Variants in ZNF90 observed in about 807,000 individuals in gnomAD.
The protein encoded by ZNF90 is zinc finger protein HTF9.
A neutral mutation model predicts 12.0 loss-of-function variants in ZNF90; 11 were observed. The ratio of observed to expected loss-of-function variants is 0.92; its 90% CI spans 0.58 to 1.52. The LOEUF (loss-of-function observed/expected upper bound fraction) is 1.52. Among genes scored for constraint, ZNF90 ranks in the 40% most tolerant of loss-of-function variants. ZNF90 has a pLI of 0.00. For synonymous variants in ZNF90, 232 were observed against 240.1 expected, an observed-to-expected ratio of 0.97 and a Z score of 0.31; for missense variants, 765 against 711.5, an observed-to-expected ratio of 1.08 and a Z score of -0.86.
intron 3 of ZNF90, among the ~76,000 whole-genome samples, chr19:20,113,507 A>C (rs1479739746): frequency 1.3e-5 from 2 of 151,144 alleles, no homozygotes; most frequent in African/African-American, 4.8e-5. Context: ...CAGTGTTTTT[A>C]ATCCTGTCTA....
intron 1 of ZNF90, among the ~76,000 whole-genome samples, chr19:20,079,548 T>A (rs1202795766): frequency 2.0e-5 from 3 of 152,130 alleles, no homozygotes; most frequent in Non-Finnish European, 4.4e-5. Flanking sequence ...AGAAAAGTGC[T>A]TTCTTCCCTA....
intron 3 of ZNF90, among the ~76,000 whole-genome samples, chr19:20,110,722 A>ATTC (rs1159341498): frequency 1.3e-5 from 2 of 152,176 alleles, no homozygotes; most frequent in Non-Finnish European, 2.9e-5. Flanking sequence ...TATAGTGGCC[A>ATTC]TTCTAATGGG....
At chr19:20,086,445 A>C (rs1555702067) in intron 1 of ZNF90, among the ~76,000 whole-genome samples, 1 of 151,836 alleles carries the variant, frequency 6.6e-6, no homozygotes, top group Non-Finnish European at 1.5e-5. Flanking sequence ...CATGTTCACC[A>C]GCTTAATCTT....
At chr19:20,110,412 G>T (rs1555704965) in intron 3 of ZNF90, among the ~76,000 whole-genome samples, 1 of 151,974 alleles carries the variant, frequency 6.6e-6, no homozygotes, top group African/African-American at 2.4e-5. Flanking sequence ...CCTAGTAACT[G>T]GGATTACAGG....
rs2122530802 is a variant in ZNF90, at chr19:20,117,940, G to T, written c.386G>T (p.Gly129Val). Residue 129 changes from glycine to valine, a missense_variant, in exon 4 of 4, where the codon GGT (glycine) becomes GTT (valine). Physicochemically the swap from Gly to Val is moderately radical, Grantham distance 109 (BLOSUM62 -3). Transcript: ENST00000418063. ...GATGAGGGTAAAGTACACAAAAGAG[G>T]TTATAATGGACTTAACCAATGTTTG... is the stretch of plus-strand genomic sequence containing the variant. ...SVDEGKVHKR[G>V]YNGLNQCLTA... 2 of 1,613,450 alleles carry T rather than the reference G, an allele frequency of 1.2e-6. No individual in the cohort carries two copies. The highest frequency in any genetic ancestry group is 8.5e-7 in the Non-Finnish European group (1 of 1,179,774).
intron 3 of ZNF90, among the ~76,000 whole-genome samples, chr19:20,117,036 TGTGTGTGTGTGA>T (rs1450167902): frequency 2.2e-4 from 32 of 144,196 alleles, no homozygotes; most frequent in African/African-American, 8.0e-4. Context: ...TGTGTGTGTG[TGTGTGTGTGTGA>T]GAGAGAGAGA....
chr19:20,089,739 G>T (rs535345085), intron 1 of ZNF90, among the ~76,000 whole-genome samples: 2 of 152,332 alleles, frequency 1.3e-5, no homozygotes, highest in African/African-American at 4.8e-5. Context: ...TCTTCAGGAG[G>T]GTAAAGTTGA....
At chr19:20,113,066 AT>A (rs1380510896) in intron 3 of ZNF90, among the ~76,000 whole-genome samples, 1 of 152,220 alleles carries the variant, frequency 6.6e-6, no homozygotes, top group Non-Finnish European at 1.5e-5. Flanking sequence ...TGAATAAGCC[AT>A]ATGTCTATTA....
intron 1 of ZNF90, among the ~76,000 whole-genome samples, chr19:20,097,614 T>G (rs2088958819): frequency 6.6e-6 from 1 of 152,132 alleles, no homozygotes; most frequent in African/African-American, 2.4e-5. Flanking sequence ...TTCTTTCTAC[T>G]CTGCTAAAAT....
intron 1 of ZNF90, among the ~76,000 whole-genome samples, chr19:20,090,405 G>A (rs1422049813): frequency 3.9e-5 from 6 of 152,182 alleles, no homozygotes; most frequent in East Asian, 1.9e-4. Context: ...TACTTAAGTG[G>A]GGGAGAGTAC....
At chr19:20,102,374 G>T (rs1192635095) in intron 1 of ZNF90, among the ~76,000 whole-genome samples, 1 of 151,992 alleles carries the variant, frequency 6.6e-6, no homozygotes, top group African/African-American at 2.4e-5. Flanking sequence ...CACCACTCTG[G>T]CTCTTACCAT....
chr19:20,111,351 C>A (rs1281325471), intron 3 of ZNF90, among the ~76,000 whole-genome samples: 2 of 152,106 alleles, frequency 1.3e-5, no homozygotes, highest in Non-Finnish European at 2.9e-5. Flanking sequence ...TTTCAAGTAG[C>A]TGGGTTACAA....
chr19:20,080,068 T>C (rs2088808683), intron 1 of ZNF90: 1 of 342,024 alleles, frequency 2.9e-6, no homozygotes. Flanking sequence ...CCCGAGTAGC[T>C]GGGATTACAG....
chr19:20,111,690 A>G (rs1288644419), intron 3 of ZNF90, among the ~76,000 whole-genome samples: 3 of 151,876 alleles, frequency 2.0e-5, no homozygotes, highest in African/African-American at 7.3e-5. Context: ...CTTTCTATAA[A>G]TTTTATCTTT....
chr19:20,111,388 T>C (rs1399865151), intron 3 of ZNF90, among the ~76,000 whole-genome samples: 1 of 152,136 alleles, frequency 6.6e-6, no homozygotes, highest in African/African-American at 2.4e-5. Flanking sequence ...CCTGCTAGCT[T>C]TTCTGTATTT....
rs1387491029 is a variant in ZNF90, at chr19:20,118,297, A to T, written c.743A>T (p.Lys248Met). The T allele has an allele frequency of 6.4e-7, 1 of 1,562,446 alleles. No homozygotes were observed. The highest frequency in any genetic ancestry group is 8.7e-7 in the Non-Finnish European group (1 of 1,152,862). The change falls in exon 4 of 4, where the codon AAG (lysine) becomes ATG (methionine). Residue 248 changes from lysine (K) to methionine (M), a missense_variant. Lys to Met is a moderately conservative substitution (Grantham distance 95). Coordinates refer to ENST00000418063, the MANE Select transcript of ZNF90 (RefSeq NM_007138.2). ...LKYSSTLTAH[K>M]RIHTGEKRYK... ...TATTCCTCTACCCTTACTGCACATAAGAGAATTCATACTGGAGAGAAACGG... is the reference window on the plus strand; with the variant it reads ...TATTCCTCTACCCTTACTGCACATATGAGAATTCATACTGGAGAGAAACGG...
chr19:20,085,268 C>CTTTTTTTTTTTTTTTCTT (rs56068843), intron 1 of ZNF90, among the ~76,000 whole-genome samples: 1 of 135,572 alleles, frequency 7.4e-6, no homozygotes, highest in African/African-American at 2.9e-5. Context: ...TTGCATTGGT[C>CTTTTTTTTTTTTTTTCTT]TTTTTTTTTT....
At chr19:20,110,747 G>T (rs1231522511) in intron 3 of ZNF90, among the ~76,000 whole-genome samples, 12 of 152,186 alleles carry the variant, frequency 7.9e-5, no homozygotes, top group African/African-American at 2.6e-4. Context: ...AGGTGATTTT[G>T]TTTGTCATTG....
chr19:20,112,510 C>G (rs533963066), intron 3 of ZNF90, among the ~76,000 whole-genome samples: 10 of 151,724 alleles, frequency 6.6e-5, no homozygotes, highest in African/African-American at 2.4e-4. Context: ...TTAGTAGAGA[C>G]GGGGTTTCAC....
Sources: gnomAD v4.1 joint callset for allele counts (sites outside exome capture counted in the v4.1 genomes callset) on GRCh38, gnomAD v4.1.1 for gene constraint, MANE v1.5 for transcripts, NCBI Gene and HGNC (gene_info 2026-07-23, HGNC 2026-07-21) for gene names.